ABTB3: variants seen among roughly 807,000 people sequenced by gnomAD.
ABTB3 encodes the protein ankyrin repeat and BTB domain containing 3, also known as ankyrin repeat- and BTB/POZ domain-containing protein 3.
chr12:107,505,347 A>G, the ABTB3 span, among the ~76,000 whole-genome samples: 10 of 152,208 alleles, frequency 6.6e-5, no homozygotes, highest in Non-Finnish European at 1.3e-4. Flanking sequence ...TTATGAAACT[A>G]CAATAATTAA....
At chr12:107,503,371 G>A in the ABTB3 span, among the ~76,000 whole-genome samples, 1 of 152,074 alleles carries the variant, frequency 6.6e-6, no homozygotes. Flanking sequence ...GTTGTTTACT[G>A]TCCCTAGGAA....
At chr12:107,353,111 G>C in the ABTB3 span, among the ~76,000 whole-genome samples, 2 of 152,202 alleles carry the variant, frequency 1.3e-5, no homozygotes, top group Admixed American at 6.5e-5. Flanking sequence ...TCAAGGCCAA[G>C]AGTCAGGAGA....
the ABTB3 span, among the ~76,000 whole-genome samples, chr12:107,651,467 C>G: frequency 3.3e-5 from 5 of 152,086 alleles, no homozygotes; most frequent in East Asian, 7.7e-4. Context: ...CTCCCCTCCC[C>G]CTCCCGCTCC....
At chr12:107,592,610 C>CA in the ABTB3 span, among the ~76,000 whole-genome samples, 1 of 152,206 alleles carries the variant, frequency 6.6e-6, no homozygotes, top group East Asian at 1.9e-4. Flanking sequence ...AAATATTATA[C>CA]AAAAAAAGCA....
At chr12:107,370,216 T>C in the ABTB3 span, among the ~76,000 whole-genome samples, 1 of 152,248 alleles carries the variant, frequency 6.6e-6, no homozygotes, top group Non-Finnish European at 1.5e-5. Flanking sequence ...CACTGCCTCT[T>C]GTTCTCGCCT....
At chr12:107,365,682 T>G in the ABTB3 span, among the ~76,000 whole-genome samples, 1 of 152,050 alleles carries the variant, frequency 6.6e-6, no homozygotes. Context: ...CATGATGGGA[T>G]GGAATTTTAG....
At chr12:107,348,458 G>A in the ABTB3 span, among the ~76,000 whole-genome samples, 1 of 152,132 alleles carries the variant, frequency 6.6e-6, no homozygotes, top group African/African-American at 2.4e-5. Flanking sequence ...GTTCACGCCT[G>A]GTGCAGTGGC....
At chr12:107,404,796 C>T in the ABTB3 span, among the ~76,000 whole-genome samples, 2 of 152,198 alleles carry the variant, frequency 1.3e-5, no homozygotes, top group Non-Finnish European at 2.9e-5. Flanking sequence ...AATCAGAGCT[C>T]TCTCTCCTCA....
the ABTB3 span, among the ~76,000 whole-genome samples, chr12:107,510,515 A>G: frequency 6.6e-6 from 1 of 152,128 alleles, no homozygotes; most frequent in Non-Finnish European, 1.5e-5. Flanking sequence ...CAGATAATAT[A>G]TAATATAGTA....
At chr12:107,517,854 C>T in the ABTB3 span, among the ~76,000 whole-genome samples, 1 of 150,610 alleles carries the variant, frequency 6.6e-6, no homozygotes, top group Non-Finnish European at 1.5e-5. Flanking sequence ...AAAATTTTTG[C>T]AATCTACTCA....
At chr12:107,602,790 C>T in the ABTB3 span, among the ~76,000 whole-genome samples, 3 of 152,178 alleles carry the variant, frequency 2.0e-5, no homozygotes, top group Admixed American at 1.3e-4. Flanking sequence ...ATTAACTCCC[C>T]GCCTCGGTGC....
the ABTB3 span, among the ~76,000 whole-genome samples, chr12:107,352,410 A>T: frequency 6.6e-6 from 1 of 152,146 alleles, no homozygotes; most frequent in South Asian, 2.1e-4. Context: ...GAAAAAGAGG[A>T]TGCAGAAATA....
At chr12:107,352,229 G>T in the ABTB3 span, among the ~76,000 whole-genome samples, 1 of 152,132 alleles carries the variant, frequency 6.6e-6, no homozygotes, top group Non-Finnish European at 1.5e-5. Flanking sequence ...CGAGGCTCTG[G>T]TGATGGGAGG....
the ABTB3 span, among the ~76,000 whole-genome samples, chr12:107,432,973 G>T: frequency 1.1e-4 from 17 of 152,140 alleles, no homozygotes; most frequent in Admixed American, 7.2e-4. Flanking sequence ...TCACGGCAGG[G>T]CAGGGTTAAC....
At chr12:107,488,726 T>C in the ABTB3 span, among the ~76,000 whole-genome samples, 2 of 151,600 alleles carry the variant, frequency 1.3e-5, no homozygotes, top group Non-Finnish European at 2.9e-5. Flanking sequence ...AAGTATAGTT[T>C]AGTGGCATTT....
At chr12:107,353,374 A>G in the ABTB3 span, among the ~76,000 whole-genome samples, 1 of 152,166 alleles carries the variant, frequency 6.6e-6, no homozygotes, top group Non-Finnish European at 1.5e-5. Flanking sequence ...GGAATGTTCC[A>G]GATTATCAGC....
At chr12:107,448,645 C>CT in the ABTB3 span, among the ~76,000 whole-genome samples, 1,443 of 133,988 alleles carry the variant, frequency 0.011, 31 homozygotes, top group African/African-American at 0.043. Context: ...TTCTTTCTTT[C>CT]TTTTTTTTTT....
the ABTB3 span, chr12:107,635,050 GA>G: frequency 2.7e-6 from 1 of 373,226 alleles, no homozygotes; most frequent in African/African-American, 2.1e-5. Flanking sequence ...CCAGAGAGAA[GA>G]ATTTCTTAAG....
the ABTB3 span, among the ~76,000 whole-genome samples, chr12:107,561,215 C>G: frequency 3.9e-5 from 6 of 152,122 alleles, no homozygotes; most frequent in Admixed American, 3.9e-4. Context: ...CACCCCAGAC[C>G]CTGGGGCAGC....
Sources: allele counts gnomAD v4.1 joint callset (sites outside exome capture counted in the v4.1 genomes callset), GRCh38; gene constraint gnomAD v4.1.1; transcripts MANE v1.5; gene names NCBI Gene and HGNC (gene_info 2026-07-23, HGNC 2026-07-21).